FSTL5: variants seen among roughly 807,000 people sequenced by gnomAD.
FSTL5 encodes the protein follistatin-related protein 5.
FSTL5 carries 62 observed loss-of-function variants against 89.1 expected under a neutral mutation model. That is an observed-to-expected ratio of 0.70 (90% CI 0.57 to 0.86). The LOEUF (loss-of-function observed/expected upper bound fraction) is 0.86, where lower values mean the gene tolerates loss of function less well. Among genes scored for constraint, FSTL5 ranks in the 40% least tolerant of loss-of-function variants. The pLI is 0.00. For synonymous variants in FSTL5, 383 were observed against 346.2 expected (o/e 1.11, Z -1.18); for missense variants, 1,057 against 1,001.6 (o/e 1.06, Z -0.75).
chr4:161,721,104 C>T (rs1739190409), intron 6 of FSTL5, among the ~76,000 whole-genome samples: 1 of 150,870 alleles, frequency 6.6e-6, no homozygotes, highest in Non-Finnish European at 1.5e-5. Flanking sequence ...AGGTGAAACC[C>T]CGTCTCTACT....
intron 6 of FSTL5, among the ~76,000 whole-genome samples, chr4:161,672,730 A>G (rs1013316683): frequency 6.9e-6 from 1 of 145,324 alleles, no homozygotes; most frequent in Non-Finnish European, 1.5e-5. Context: ...CCAAAAATCT[A>G]AAAAAAAAAA....
intron 6 of FSTL5, among the ~76,000 whole-genome samples, chr4:161,756,818 CCAA>C (rs1740587026): frequency 6.6e-6 from 1 of 152,144 alleles, no homozygotes; most frequent in Non-Finnish European, 1.5e-5. Context: ...TGTTGCACCA[CCAA>C]CAATAACTGT....
intron 8 of FSTL5, among the ~76,000 whole-genome samples, chr4:161,560,998 G>T (rs773939811): frequency 1.3e-5 from 2 of 151,736 alleles, no homozygotes; most frequent in Non-Finnish European, 2.9e-5. Context: ...TTGTATTACT[G>T]GTAGCACAGT....
chr4:161,973,182 C>T (rs1310182741), intron 3 of FSTL5, among the ~76,000 whole-genome samples: 10 of 151,164 alleles, frequency 6.6e-5, no homozygotes, highest in African/African-American at 1.9e-4. Context: ...GTTTTTTTTT[C>T]TGTATTACGT....
At chr4:161,941,083 A>G (rs1047691339) in intron 3 of FSTL5, among the ~76,000 whole-genome samples, 2 of 151,900 alleles carry the variant, frequency 1.3e-5, no homozygotes, top group Non-Finnish European at 2.9e-5. Context: ...GATGATACTA[A>G]TTCAACTAAA....
chr4:161,992,966 G>GTATACA (rs1736180456), intron 3 of FSTL5, among the ~76,000 whole-genome samples: 1 of 108,164 alleles, frequency 9.2e-6, no homozygotes, highest in Non-Finnish European at 2.0e-5. Flanking sequence ...ATATATATGT[G>GTATACA]TGTATATATA....
At chr4:161,584,372 C>T (rs770062467) in intron 8 of FSTL5, among the ~76,000 whole-genome samples, 12 of 152,246 alleles carry the variant, frequency 7.9e-5, no homozygotes, top group African/African-American at 2.9e-4. Context: ...AAGATCAGTC[C>T]GTCCTTCTGT....
chr4:162,045,404 A>T (rs76404850), intron 2 of FSTL5, among the ~76,000 whole-genome samples: 5,587 of 152,162 alleles, frequency 0.037, 160 homozygotes, highest in East Asian at 0.11. Flanking sequence ...CAAAACAGTA[A>T]TAATTGTAAC....
chr4:161,685,391 T>C (rs1737678019), intron 6 of FSTL5, among the ~76,000 whole-genome samples: 1 of 152,198 alleles, frequency 6.6e-6, no homozygotes, highest in Non-Finnish European at 1.5e-5. Context: ...ATGGGATGTG[T>C]TTCCATTTGT....
chr4:161,739,746 G>C (rs1345334687), intron 6 of FSTL5, among the ~76,000 whole-genome samples: 1 of 151,898 alleles, frequency 6.6e-6, no homozygotes, highest in African/African-American at 2.4e-5. Flanking sequence ...AATGGCAGTA[G>C]AACAAAATAT....
chr4:161,665,479 C>T (rs950422004), intron 6 of FSTL5, among the ~76,000 whole-genome samples: 6 of 152,214 alleles, frequency 3.9e-5, no homozygotes, highest in Middle Eastern at 3.4e-3. Flanking sequence ...GTGATCTCCC[C>T]GCCTCGGCCT....
rs1307906023 is a variant in FSTL5, at chr4:162,055,005, C to T, written c.127-21347G>A. On this transcript the variant is annotated intron_variant, in intron 2 of 15. Transcript: ENST00000306100. ...TGGATTAACTCTGTGACAAATGGTGCTGTCAAATCCAGTTACTTGATAACT... is the reference window on the plus strand; with the variant it reads ...TGGATTAACTCTGTGACAAATGGTGTTGTCAAATCCAGTTACTTGATAACT... Among the ~76,000 whole-genome samples the T allele has an allele frequency of 5.3e-5, 8 of 151,836 alleles. No individual in the cohort carries two copies. The East Asian group carries it at 1.5e-3, about 29-fold the overall frequency.
intron 15 of FSTL5, among the ~76,000 whole-genome samples, chr4:161,446,104 C>T (rs566952913): frequency 6.6e-6 from 1 of 151,996 alleles, no homozygotes; most frequent in African/African-American, 2.4e-5. Flanking sequence ...AATATTAACT[C>T]GGTTGGATTC....
intron 15 of FSTL5, among the ~76,000 whole-genome samples, chr4:161,413,386 C>A (rs145130110): frequency 4.4e-4 from 66 of 151,474 alleles, no homozygotes; most frequent in African/African-American, 1.5e-3. Flanking sequence ...TCATCTAAGA[C>A]CAGTCAGAAT....
intron 4 of FSTL5, among the ~76,000 whole-genome samples, chr4:161,917,330 A>G (rs569274251): frequency 6.6e-6 from 1 of 152,366 alleles, no homozygotes; most frequent in East Asian, 1.9e-4. Context: ...AGTGCAAATC[A>G]GTAAGGAATA....
In FSTL5 at chr4:161,972,588, A is replaced by T. The variant is rs1326564754; in HGVS notation, c.161-51936T>A. 2.6e-5 allele frequency among the ~76,000 whole-genome samples: 4 copies of T among 152,104 alleles called. No homozygotes were observed. The East Asian group carries it at 7.8e-4, about 29-fold the overall frequency. ...AGGCCCCTAGTGGAACAGGCCCCAG[A>T]GCCCTCAGGAAACCGAATTCTGTCA... On this transcript the variant is annotated intron_variant, in intron 3 of 15. Coordinates refer to ENST00000306100, the MANE Select transcript of FSTL5 (RefSeq NM_020116.5).
At chr4:161,713,508 A>G (rs1456918985) in intron 6 of FSTL5, among the ~76,000 whole-genome samples, 2 of 152,226 alleles carry the variant, frequency 1.3e-5, no homozygotes, top group Non-Finnish European at 2.9e-5. Flanking sequence ...TGTACAACAT[A>G]TAATCAAAAA....
chr4:162,018,584 T>C (rs1283090380), intron 3 of FSTL5, among the ~76,000 whole-genome samples: 2 of 152,122 alleles, frequency 1.3e-5, no homozygotes, highest in African/African-American at 4.8e-5. Flanking sequence ...AAAGCCTACT[T>C]GTCATAACTT....
chr4:162,101,607 A>C (rs1388775609), intron 2 of FSTL5, among the ~76,000 whole-genome samples: 1 of 152,170 alleles, frequency 6.6e-6, no homozygotes, highest in African/African-American at 2.4e-5. Context: ...AAATAGAAGA[A>C]TATTTCTACT....
Sources: allele counts gnomAD v4.1 joint callset (sites outside exome capture counted in the v4.1 genomes callset), GRCh38; gene constraint gnomAD v4.1.1; transcripts MANE v1.5; gene names NCBI Gene and HGNC (gene_info 2026-07-23, HGNC 2026-07-21).